PKIB: variants seen among roughly 807,000 people sequenced by gnomAD.
The protein encoded by PKIB is PKI-beta.
A neutral mutation model predicts 4.5 loss-of-function variants in PKIB; 2 were observed. The observed-to-expected ratio is 0.44, with a 90% CI of 0.18 to 1.39. The LOEUF is 1.39. Ranked by LOEUF, PKIB falls within the 40% of genes most tolerant of loss-of-function variation. PKIB has a pLI of 0.27. For synonymous variants in PKIB, 38 were observed against 36.0 expected (o/e 1.06, Z -0.20); for missense variants, 94 against 92.6 (o/e 1.02, Z -0.06).
chr6:122,696,004 A>C (rs573329065), intron 3 of PKIB, among the ~76,000 whole-genome samples: 1 of 152,190 alleles, frequency 6.6e-6, no homozygotes, highest in Non-Finnish European at 1.5e-5. Context: ...ATGGCTGATA[A>C]CATTTTTAGT....
At chr6:122,556,669 A>G (rs1359653425) in intron 2 of PKIB, among the ~76,000 whole-genome samples, 3 of 152,170 alleles carry the variant, frequency 2.0e-5, no homozygotes, top group Admixed American at 6.5e-5. Context: ...AGGTCCCTAC[A>G]AGTGAATCCT....
chr6:122,615,561 C>T (rs1364417113), intron 1 of PKIB, among the ~76,000 whole-genome samples: 2 of 152,106 alleles, frequency 1.3e-5, no homozygotes, highest in Admixed American at 1.3e-4. Flanking sequence ...GATAATGTCT[C>T]CCCAAAATTC....
chr6:122,630,121 A>G (rs1404782322), intron 1 of PKIB, among the ~76,000 whole-genome samples: 1 of 152,168 alleles, frequency 6.6e-6, no homozygotes, highest in Non-Finnish European at 1.5e-5. Context: ...ACTATTGTAA[A>G]AAAATATGTT....
At chr6:122,619,883 A>G (rs1775153586) in intron 1 of PKIB, among the ~76,000 whole-genome samples, 1 of 152,058 alleles carries the variant, frequency 6.6e-6, no homozygotes, top group Non-Finnish European at 1.5e-5. Flanking sequence ...CCATCATGCT[A>G]CCTGGAACAA....
intron 2 of PKIB, among the ~76,000 whole-genome samples, chr6:122,500,069 ATATTACAT>A (rs1333240786): frequency 1.3e-5 from 2 of 152,230 alleles, no homozygotes; most frequent in Non-Finnish European, 2.9e-5. Context: ...AAATGGAAAA[ATATTACAT>A]GCCCATGGAT....
intron 1 of PKIB, among the ~76,000 whole-genome samples, chr6:122,472,676 G>T (rs1440059023): frequency 6.6e-6 from 1 of 152,184 alleles, no homozygotes; most frequent in African/African-American, 2.4e-5. Context: ...ATGGGTCGAG[G>T]TGGGGTAAAC....
chr6:122,642,288 T>C (rs1223799666), intron 2 of PKIB, among the ~76,000 whole-genome samples: 1 of 152,240 alleles, frequency 6.6e-6, no homozygotes, highest in East Asian at 1.9e-4. Context: ...AGCTAGTTAA[T>C]GACAGTGCTT....
intron 3 of PKIB, among the ~76,000 whole-genome samples, chr6:122,593,261 C>T (rs1441409470): frequency 6.6e-6 from 1 of 152,146 alleles, no homozygotes; most frequent in East Asian, 1.9e-4. Context: ...TCCAGATGAC[C>T]CGATATAATC....
rs75017532 is a variant in PKIB, at chr6:122,691,571, G to A, written c.-9+16427G>A. Among the ~76,000 whole-genome samples the A allele has an allele frequency of 1.8e-3, 275 of 151,840 alleles. 4 individuals are homozygous for A. In the South Asian group the frequency reaches 0.021, roughly 11 times the overall value. ...TTCAATCTCTTTGTTACATTTAACC[G>A]ATAGAATTCTGAATTGCTTCCCTGT... On this transcript the variant is annotated intron_variant, in intron 3 of 4. Transcript: ENST00000368452.
chr6:122,581,371 T>C (rs1407730109), intron 2 of PKIB, among the ~76,000 whole-genome samples: 1 of 152,170 alleles, frequency 6.6e-6, no homozygotes, highest in Non-Finnish European at 1.5e-5. Flanking sequence ...AATATAAGAC[T>C]ATCCTTTCCA....
At chr6:122,570,654 C>T (rs937079075) in intron 2 of PKIB, among the ~76,000 whole-genome samples, 1 of 152,082 alleles carries the variant, frequency 6.6e-6, no homozygotes, top group Non-Finnish European at 1.5e-5. Context: ...AGAGTCTTTC[C>T]TGCTAAAAGC....
chr6:122,678,774 G>A (rs936206421), intron 3 of PKIB, among the ~76,000 whole-genome samples: 11 of 152,198 alleles, frequency 7.2e-5, no homozygotes, highest in African/African-American at 2.4e-4. Context: ...CCACTTACTA[G>A]GAGAGTCAAA....
chr6:122,522,997 T>C (rs190702977), intron 2 of PKIB, among the ~76,000 whole-genome samples: 2 of 152,328 alleles, frequency 1.3e-5, no homozygotes, highest in East Asian at 1.9e-4. Context: ...GACTAAGGGC[T>C]CTGGTTAGGA....
chr6:122,570,735 A>G (rs1773338955), intron 2 of PKIB, among the ~76,000 whole-genome samples: 1 of 152,218 alleles, frequency 6.6e-6, no homozygotes, highest in Admixed American at 6.5e-5. Flanking sequence ...AAAAAAAGAA[A>G]TTAAATAAAA....
chr6:122,630,502 A>G (rs1775650674), intron 1 of PKIB, among the ~76,000 whole-genome samples: 1 of 152,184 alleles, frequency 6.6e-6, no homozygotes, highest in Non-Finnish European at 1.5e-5. Flanking sequence ...TAGAAACAGT[A>G]AAATGATGGT....
rs576058886 is a variant in PKIB, at chr6:122,614,837, C to G, written c.-161+4302C>G. On this transcript the variant is annotated intron_variant, in intron 1 of 4. Transcript: ENST00000368452. The stretch of plus-strand genomic sequence containing the variant: ...GTGTGTGTAAAGAGGGCTTACAACT[C>G]ATGCAATTACATTAGTGTATTACAT... Among the ~76,000 whole-genome samples the G allele has an allele frequency of 2.6e-5, 4 of 152,196 alleles. No individual in the cohort carries two copies. The East Asian group carries it at 7.7e-4, about 29-fold the overall frequency.
At chr6:122,505,028 T>G (rs918148067) in intron 2 of PKIB, among the ~76,000 whole-genome samples, 1 of 152,178 alleles carries the variant, frequency 6.6e-6, no homozygotes, top group African/African-American at 2.4e-5. Flanking sequence ...CACTTAGATC[T>G]AAGAAGCAGA....
intron 2 of PKIB, among the ~76,000 whole-genome samples, chr6:122,500,171 A>G (rs1222814303): frequency 1.3e-5 from 2 of 152,234 alleles, no homozygotes; most frequent in Non-Finnish European, 2.9e-5. Flanking sequence ...TATTCAGCAT[A>G]AAATCAGCAT....
intron 3 of PKIB, among the ~76,000 whole-genome samples, chr6:122,703,939 TATAGAGAGAGAGAGAGAG>T (rs1244348060): frequency 4.8e-5 from 5 of 103,198 alleles, no homozygotes; most frequent in Non-Finnish European, 1.2e-4. Context: ...TATATATATA[TATAGAGAGAGAGAGAGAG>T]AGAGAGAGAG....
Sources: allele counts gnomAD v4.1 joint callset (sites outside exome capture counted in the v4.1 genomes callset), GRCh38; gene constraint gnomAD v4.1.1; transcripts MANE v1.5; gene names NCBI Gene and HGNC (gene_info 2026-07-23, HGNC 2026-07-21).